Variants in ANKRD33B observed in about 807,000 individuals in gnomAD.
The protein encoded by ANKRD33B is ankyrin repeat domain-containing protein 33B.
Under a neutral mutation model 21.5 loss-of-function variants are expected in ANKRD33B, and 6 were observed. The observed-to-expected ratio is 0.28, with a 90% CI of 0.15 to 0.55. The LOEUF is 0.55. Among genes scored for constraint, ANKRD33B ranks in the 20% least tolerant of loss-of-function variants. ANKRD33B has a pLI of 0.94. For synonymous variants in ANKRD33B, 347 were observed against 342.4 expected (o/e 1.01, Z -0.15); for missense variants, 698 against 747.2 (o/e 0.93, Z 0.77).
Position 10,649,693 on chromosome 5 carries a change from G to A in ANKRD33B, c.1065G>A (p.Gln355=). 6.6e-7 allele frequency: 1 copy of A among 1,520,966 alleles called. No homozygotes were observed. The allele number at this position is 1,520,966 out of a possible 1,614,324, so 94.2% of individuals were successfully genotyped here. A position where few individuals can be genotyped will look rare whatever the true frequency, so the allele number is the denominator to read the frequency against. Residue 355 remains glutamine (Q), a synonymous_variant, in exon 4 of 4, where the codon CAG becomes CAA. Coordinates refer to ENST00000296657, the MANE Select transcript of ANKRD33B (RefSeq NM_001164440.2). ...ILAARAARGP[Q]AQEEDEVGGA... ...CGGCGCGGGCTGCACGGGGCCCCCA[G>A]GCGCAGGAGGAGGATGAGGTGGGGG... is the stretch of plus-strand genomic sequence containing the variant.
chr5:10,578,979 C>G (rs923278655), intron 1 of ANKRD33B, among the ~76,000 whole-genome samples: 7 of 151,964 alleles, frequency 4.6e-5, no homozygotes, highest in African/African-American at 1.7e-4. Flanking sequence ...GCCTGGGCAA[C>G]ATGGCGAAAC....
At chr5:10,574,021 C>T (rs1212403091) in intron 1 of ANKRD33B, among the ~76,000 whole-genome samples, 1 of 152,256 alleles carries the variant, frequency 6.6e-6, no homozygotes, top group Non-Finnish European at 1.5e-5. Context: ...CTCAGTCATG[C>T]TCTTCACGTC....
intron 1 of ANKRD33B, among the ~76,000 whole-genome samples, chr5:10,601,818 A>G (rs942825169): frequency 6.6e-5 from 10 of 152,208 alleles, no homozygotes; most frequent in African/African-American, 2.4e-4. Flanking sequence ...ACAAGCCACA[A>G]TATCTCGAGA....
intron 1 of ANKRD33B, among the ~76,000 whole-genome samples, chr5:10,617,328 G>T (rs114177422): frequency 6.6e-6 from 1 of 152,144 alleles, no homozygotes; most frequent in Non-Finnish European, 1.5e-5. Context: ...TGAAGTCTGC[G>T]TGCCATCTGT....
At chr5:10,578,506 C>A (rs911882038) in intron 1 of ANKRD33B, among the ~76,000 whole-genome samples, 1 of 152,114 alleles carries the variant, frequency 6.6e-6, no homozygotes, top group Non-Finnish European at 1.5e-5. Context: ...GGGCAGGACC[C>A]GCATGGGGAC....
chr5:10,594,585 G>T (rs1488444252), intron 1 of ANKRD33B, among the ~76,000 whole-genome samples: 1 of 152,158 alleles, frequency 6.6e-6, no homozygotes, highest in Admixed American at 6.5e-5. Flanking sequence ...CATGCCGAGG[G>T]CACATGTTCT....
chr5:10,573,183 T>C (rs1212465574), intron 1 of ANKRD33B, among the ~76,000 whole-genome samples: 2 of 152,018 alleles, frequency 1.3e-5, no homozygotes, highest in Non-Finnish European at 2.9e-5. Flanking sequence ...AAATAATCTC[T>C]TCCAGCTGGG....
chr5:10,592,210 C>T (rs1333323109), intron 1 of ANKRD33B, among the ~76,000 whole-genome samples: 1 of 151,978 alleles, frequency 6.6e-6, no homozygotes, highest in African/African-American at 2.4e-5. Context: ...TATTTTGGGC[C>T]ATCTGCTTTA....
At chr5:10,622,432 C>A (rs1736441066) in intron 2 of ANKRD33B, among the ~76,000 whole-genome samples, 1 of 148,768 alleles carries the variant, frequency 6.7e-6, no homozygotes, top group Non-Finnish European at 1.5e-5. Context: ...TTTCTTCCAA[C>A]ATATTCTACC....
chr5:10,650,207 A>C lies in ANKRD33B; in HGVS notation c.*94A>C, dbSNP rs774780284. ...AGGAGGCGGCCCCGTTGCGCATCGC[A>C]CCACTTCCGCTCCATGGACCACGGG... is the stretch of plus-strand genomic sequence containing the variant. On this transcript the variant is annotated 3_prime_UTR_variant, in exon 4 of 4. Coordinates refer to ENST00000296657, the MANE Select transcript of ANKRD33B (RefSeq NM_001164440.2). The C allele has an allele frequency of 1.9e-5, 25 of 1,311,466 alleles. No individual in the cohort carries two copies. Among genetic ancestry groups the C allele is most frequent in the Non-Finnish European group, 2.4e-5 (24 of 1,008,902 alleles). The allele number at this position is 1,311,466 out of a possible 1,614,324, so 81.2% of individuals were successfully genotyped here. A position where few individuals can be genotyped will look rare whatever the true frequency, so the allele number is the denominator to read the frequency against.
chr5:10,614,001 G>GTGTGTGTGTA (rs1736230584), intron 1 of ANKRD33B, among the ~76,000 whole-genome samples: 1 of 150,716 alleles, frequency 6.6e-6, no homozygotes, highest in Non-Finnish European at 1.5e-5. Flanking sequence ...GTGTGTGTGT[G>GTGTGTGTGTA]TGTGTGTGTG....
chr5:10,611,112 A>G (rs889242920), intron 1 of ANKRD33B, among the ~76,000 whole-genome samples: 1 of 152,222 alleles, frequency 6.6e-6, no homozygotes, highest in Admixed American at 6.5e-5. Context: ...AAAATTCAAA[A>G]GCAAAATCAG....
chr5:10,647,124 A>G (rs1346812442), intron 3 of ANKRD33B, among the ~76,000 whole-genome samples: 3 of 148,326 alleles, frequency 2.0e-5, no homozygotes, highest in African/African-American at 7.5e-5. Flanking sequence ...TTTTTTTTTG[A>G]AATGGAGTCT....
At chr5:10,634,999 G>A (rs1025257034) in intron 2 of ANKRD33B, among the ~76,000 whole-genome samples, 6 of 151,720 alleles carry the variant, frequency 4.0e-5, no homozygotes, top group African/African-American at 4.8e-5. Context: ...GAAGCAGGGC[G>A]TGATTTCTTG....
intron 1 of ANKRD33B, among the ~76,000 whole-genome samples, chr5:10,591,192 G>T (rs1206823155): frequency 6.9e-5 from 3 of 43,274 alleles, no homozygotes; most frequent in East Asian, 1.1e-3. Context: ...ATTTTTTTTA[G>T]TGGTTTTTTT....
Position 10,587,698 on chromosome 5 carries a change from T to C in ANKRD33B, c.366+22865T>C, listed in dbSNP as rs536995996. ...GACTTGTGCTGTGAAATATATATGC[T>C]CTGCCAGATTAGCTATCTGTAAAGT... On this transcript the variant is annotated intron_variant, in intron 1 of 3. Coordinates refer to ENST00000296657, the MANE Select transcript of ANKRD33B (RefSeq NM_001164440.2). 2.6e-5 allele frequency among the ~76,000 whole-genome samples: 4 copies of C among 152,284 alleles called. No homozygotes were observed. In the South Asian group the frequency reaches 8.3e-4, roughly 32 times the overall value.
chr5:10,611,374 G>A (rs1736169124), intron 1 of ANKRD33B, among the ~76,000 whole-genome samples: 2 of 151,986 alleles, frequency 1.3e-5, no homozygotes, highest in Admixed American at 1.3e-4. Context: ...CATACCAAAG[G>A]GCACTTGGAA....
chr5:10,630,798 A>T (rs1736690585), intron 2 of ANKRD33B, among the ~76,000 whole-genome samples: 1 of 151,558 alleles, frequency 6.6e-6, no homozygotes, highest in South Asian at 2.1e-4. Flanking sequence ...GCTTGAACCC[A>T]GGAGGCTGAG....
chr5:10,611,460 A>T (rs1053098174), intron 1 of ANKRD33B, among the ~76,000 whole-genome samples: 4 of 151,750 alleles, frequency 2.6e-5, no homozygotes, highest in Admixed American at 6.6e-5. Context: ...TTTCCCCAAC[A>T]CTGATCTGTG....
Sources: gnomAD v4.1 joint callset for allele counts (sites outside exome capture counted in the v4.1 genomes callset) on GRCh38, gnomAD v4.1.1 for gene constraint, MANE v1.5 for transcripts, NCBI Gene and HGNC (gene_info 2026-07-23, HGNC 2026-07-21) for gene names.